HIBCH: variants seen among roughly 807,000 people sequenced by gnomAD.
The protein encoded by HIBCH is 3-hydroxyisobutyryl-CoA hydrolase.
Under a neutral mutation model 58.2 loss-of-function variants are expected in HIBCH, and 50 were observed. That is an observed-to-expected ratio of 0.86 (90% CI 0.68 to 1.09). The LOEUF (loss-of-function observed/expected upper bound fraction) is 1.09, where lower values mean the gene tolerates loss of function less well. Ranked by LOEUF, HIBCH falls within the 50% of genes least tolerant of loss-of-function variation. The pLI, the probability that HIBCH is intolerant of heterozygous loss-of-function variation, is 0.00. For missense variants in HIBCH, 450 were observed against 449.7 expected, an observed-to-expected ratio of 1.00 and a Z score of -0.01; for synonymous variants, 151 against 146.9, an observed-to-expected ratio of 1.03 and a Z score of -0.20.
chr2:190,196,774 TTTAATA>T (rs796362699), intron 1 of HIBCH, among the ~76,000 whole-genome samples: 36 of 152,330 alleles, frequency 2.4e-4, no homozygotes, highest in African/African-American at 7.9e-4. Flanking sequence ...TGCCCATTTG[TTTAATA>T]TTAATATATT....
In HIBCH at chr2:190,287,620, T is replaced by C; in HGVS notation, c.404A>G (p.Tyr135Cys). Residue 135 changes from tyrosine to cysteine, a missense_variant, in exon 6 of 14, where the codon TAT (tyrosine) becomes TGT (cysteine). Transcript: ENST00000359678. ...NNAVGSCQKP[Y>C]VALIHGITMG... The stretch of plus-strand genomic sequence containing the variant: ...TGTAATTCCATGAATAAGTGCAACA[T>C]AAGGTTTCTGGCAAGAACCTGAAAG... The C allele has an allele frequency of 6.2e-7, 1 of 1,611,764 alleles. No homozygotes were observed. The highest frequency in any genetic ancestry group is 1.7e-4 in the Middle Eastern group (1 of 6,040).
chr2:190,310,429 A>G (rs1031918516), intron 2 of HIBCH, among the ~76,000 whole-genome samples: 3 of 152,210 alleles, frequency 2.0e-5, no homozygotes, highest in Non-Finnish European at 4.4e-5. Flanking sequence ...TATCATTTAT[A>G]AGCACTCTAA....
In HIBCH at chr2:190,243,032, G is replaced by C. The variant is rs185198911; in HGVS notation, c.891+1855C>G. Among the ~76,000 whole-genome samples the C allele has an allele frequency of 6.6e-6, 1 of 152,328 alleles. No individual in the cohort carries two copies. The highest frequency in any genetic ancestry group is 2.4e-5 in the African/African-American group (1 of 41,576). ...GTTCAAGTTGACAAGGGGTGGACTT[G>C]TGATGGTGAATACTGAGTGTCAACT... On this transcript the variant is annotated intron_variant, in intron 11 of 13. Transcript: ENST00000359678. This position sits in a 1 kb window ranked among gnomAD's most constrained non-coding sequence, Gnocchi z 4.1.
chr2:190,202,380 G>A (rs1404234249), downstream of HIBCH: 2 of 166,974 alleles, frequency 1.2e-5, no homozygotes, highest in Admixed American at 6.5e-5. Context: ...TGCATAATCA[G>A]TGAGCTAGTG....
intron 1 of HIBCH, among the ~76,000 whole-genome samples, chr2:190,192,325 T>C (rs780787643): frequency 6.6e-6 from 1 of 152,104 alleles, no homozygotes; most frequent in Non-Finnish European, 1.5e-5. Flanking sequence ...CTTTTGTCAA[T>C]ATAGCACTAA....
chr2:190,245,922 G>A (rs2018595), intron 10 of HIBCH, among the ~76,000 whole-genome samples: 2,070 of 151,506 alleles, frequency 0.014, 21 homozygotes, highest in South Asian at 0.05. Flanking sequence ...CCCAGGAGGC[G>A]GAGGCTGCAG....
At chr2:190,287,520 A>T in intron 6 of HIBCH, 66 bp downstream of exon 6, 1 of 1,024,054 alleles carries the variant, frequency 9.8e-7, no homozygotes, top group Non-Finnish European at 1.5e-6. Flanking sequence ...ACTTCTGTTT[A>T]ATAATTATTA....
chr2:190,201,302 C>CTGTT (rs1285302730), downstream of HIBCH: 1 of 166,800 alleles, frequency 6.0e-6, no homozygotes, highest in African/African-American at 2.4e-5. Flanking sequence ...GGATTAAGTA[C>CTGTT]TGTTTGAAGA....
chr2:190,208,565 C>A, intron 13 of HIBCH: 2 of 384,004 alleles, frequency 5.2e-6, no homozygotes, highest in South Asian at 5.3e-5. Flanking sequence ...AAAACATACA[C>A]AACTTTGCAA....
intron 6 of HIBCH, among the ~76,000 whole-genome samples, chr2:190,265,809 C>T (rs1687216622): frequency 6.6e-6 from 1 of 152,050 alleles, no homozygotes; most frequent in African/African-American, 2.4e-5. Flanking sequence ...ACATAACATC[C>T]TCTTGTAATC....
intron 3 of HIBCH, 146 bp from the exon 4 acceptor site, chr2:190,294,776 A>C: frequency 1.5e-6 from 1 of 671,602 alleles, no homozygotes; most frequent in Non-Finnish European, 2.7e-6. Flanking sequence ...GATATCCAGA[A>C]GAACGAATCT....
At chr2:190,316,106 C>T (rs1307875836) in intron 1 of HIBCH, among the ~76,000 whole-genome samples, 1 of 152,130 alleles carries the variant, frequency 6.6e-6, no homozygotes, top group African/African-American at 2.4e-5. Context: ...CCAACTGTAA[C>T]TGTGGTATTG....
intron 4 of HIBCH, among the ~76,000 whole-genome samples, chr2:190,293,259 C>T (rs1472703673): frequency 2.0e-5 from 3 of 149,794 alleles, no homozygotes; most frequent in African/African-American, 7.4e-5. Flanking sequence ...CAAGACCAGC[C>T]TGGCCAACAT....
At chr2:190,255,828 GGAGAGAGA>G (rs56688526) in intron 7 of HIBCH, among the ~76,000 whole-genome samples, 1 of 150,120 alleles carries the variant, frequency 6.7e-6, no homozygotes, top group Non-Finnish European at 1.5e-5. Flanking sequence ...GCTTAGGAAT[GGAGAGAGA>G]GAGAGAGAGA....
intron 3 of HIBCH, among the ~76,000 whole-genome samples, chr2:190,295,187 A>G (rs1395449945): frequency 6.6e-6 from 1 of 152,236 alleles, no homozygotes; most frequent in Non-Finnish European, 1.5e-5. Flanking sequence ...GAAAGTCCAG[A>G]ACAATGGACG....
intron 4 of HIBCH, among the ~76,000 whole-genome samples, chr2:190,291,474 G>C (rs1219080183): frequency 6.6e-6 from 1 of 152,126 alleles, no homozygotes; most frequent in Non-Finnish European, 1.5e-5. Context: ...TTCTGACTAG[G>C]GGAAGCAGTA....
At chr2:190,271,482 G>C (rs1047672533) in intron 6 of HIBCH, among the ~76,000 whole-genome samples, 2 of 151,600 alleles carry the variant, frequency 1.3e-5, no homozygotes, top group African/African-American at 4.8e-5. Context: ...GTAGAGACGG[G>C]GTTTCGCCAT....
chr2:190,270,280 T>TAA (rs1553502973), intron 6 of HIBCH, among the ~76,000 whole-genome samples: 2,069 of 148,328 alleles, frequency 0.014, 54 homozygotes, highest in African/African-American at 0.048. Context: ...TTTTTTTTTT[T>TAA]AAAAAAAAAG....
intron 1 of HIBCH, among the ~76,000 whole-genome samples, chr2:190,318,412 T>C (rs1414999232): frequency 1.3e-5 from 2 of 152,190 alleles, no homozygotes; most frequent in African/African-American, 2.4e-5. Flanking sequence ...CCTTTTTTCC[T>C]CTCAGAAACA....
Sources: allele counts gnomAD v4.1 joint callset (sites outside exome capture counted in the v4.1 genomes callset), GRCh38; gene constraint gnomAD v4.1.1; non-coding constraint Gnocchi (gnomAD v3.1); transcripts MANE v1.5; gene names NCBI Gene and HGNC (gene_info 2026-07-23, HGNC 2026-07-21).